The following DPYD variants were observed in gnomAD, a reference collection of about 807,000 sequenced individuals.
The protein encoded by DPYD is dihydropyrimidine dehydrogenase.
DPYD carries 109 observed loss-of-function variants against 116.2 expected under a neutral mutation model. The ratio of observed to expected loss-of-function variants is 0.94; its 90% CI spans 0.80 to 1.10. DPYD has a LOEUF of 1.10. Ranked by LOEUF, DPYD falls within the 50% of genes least tolerant of loss-of-function variation. The pLI is 0.00. For synonymous variants in DPYD, 440 were observed against 432.0 expected (o/e 1.02, Z -0.23); for missense variants, 1,302 against 1,254.5 (o/e 1.04, Z -0.57).
At chr1:97,250,894 T>C (rs1557972694) in intron 18 of DPYD, among the ~76,000 whole-genome samples, 1 of 152,210 alleles carries the variant, frequency 6.6e-6, no homozygotes, top group Non-Finnish European at 1.5e-5. Context: ...TATCTGAACA[T>C]ATATCATATC....
chr1:97,452,759 C>T (rs1315112022), intron 13 of DPYD, among the ~76,000 whole-genome samples: 3 of 152,052 alleles, frequency 2.0e-5, no homozygotes, highest in Non-Finnish European at 4.4e-5. Flanking sequence ...CCTGATTTGT[C>T]ATATGATGTG....
chr1:97,759,170 A>C, intron 3 of DPYD, among the ~76,000 whole-genome samples: 1 of 152,134 alleles, frequency 6.6e-6, no homozygotes, highest in East Asian at 1.9e-4. Context: ...CAGTCTGTAT[A>C]CCAGCGTTAC....
At chr1:97,485,657 T>C (rs1678591914) in intron 13 of DPYD, among the ~76,000 whole-genome samples, 1 of 152,224 alleles carries the variant, frequency 6.6e-6, no homozygotes, top group Non-Finnish European at 1.5e-5. Context: ...CTAGATTTAT[T>C]TGGTTCATTT....
rs193216897 is a variant in DPYD, at chr1:97,732,231, C to T, written c.321+8161G>A. On this transcript the variant is annotated intron_variant, in intron 4 of 22. Coordinates refer to ENST00000370192, the MANE Select transcript of DPYD (RefSeq NM_000110.4). ...TGAGCCGGGAGCTGTAATCCCAGCA[C>T]TTTGGGAGGCCGAGGCAGGTGGATC... Among the ~76,000 whole-genome samples, 178 of 152,100 alleles carry T rather than the reference C, an allele frequency of 1.2e-3. No homozygotes were observed. The East Asian group carries it at 0.015, about 12-fold the overall frequency.
intron 5 of DPYD, among the ~76,000 whole-genome samples, chr1:97,712,207 G>A (rs930254313): frequency 6.6e-6 from 1 of 151,968 alleles, no homozygotes; most frequent in African/African-American, 2.4e-5. Flanking sequence ...GTGTATTGGA[G>A]TCTTAGAAGC....
chr1:97,290,240 C>T (rs1433910722), intron 18 of DPYD, among the ~76,000 whole-genome samples: 5 of 152,020 alleles, frequency 3.3e-5, no homozygotes, highest in South Asian at 2.1e-4. Flanking sequence ...GAATCAATAT[C>T]GTGAAAATGG....
At chr1:97,088,180 G>T (rs1056006258) in intron 21 of DPYD, among the ~76,000 whole-genome samples, 1 of 152,170 alleles carries the variant, frequency 6.6e-6, no homozygotes. Flanking sequence ...GGTTAGAGTT[G>T]CTGACTATAA....
At chr1:97,469,544 A>T (rs1337157018) in intron 13 of DPYD, among the ~76,000 whole-genome samples, 1 of 152,136 alleles carries the variant, frequency 6.6e-6, no homozygotes, top group African/African-American at 2.4e-5. Context: ...AACAATAGGT[A>T]TAAGCATCAC....
chr1:97,717,561 C>T (rs900382702), intron 5 of DPYD, among the ~76,000 whole-genome samples: 1 of 151,978 alleles, frequency 6.6e-6, no homozygotes, highest in South Asian at 2.1e-4. Context: ...GTACACTGTA[C>T]CCAATGGGTT....
rs111522933 is a variant in DPYD at position 97,489,820 on chromosome 1, C to T, written c.1740+25906G>A. On this transcript the variant is annotated intron_variant, in intron 13 of 22. Transcript: ENST00000370192. ...ATTTTAAATAAAACTGGCACAAAGT[C>T]CCATAGCTAATAAATTGCAGAGGTG... 3.5e-3 allele frequency among the ~76,000 whole-genome samples: 526 copies of T among 152,194 alleles called. 2 individuals carry two copies. Among genetic ancestry groups the T allele is most frequent in the Non-Finnish European group, 6.0e-3 (407 of 67,970 alleles).
intron 1 of DPYD, among the ~76,000 whole-genome samples, chr1:97,915,446 A>T (rs1674164363): frequency 6.6e-6 from 1 of 152,142 alleles, no homozygotes; most frequent in Non-Finnish European, 1.5e-5. Flanking sequence ...AATTAAAAGC[A>T]ATGGAAGCAG....
At chr1:97,576,155 C>T (rs1209358787) in intron 10 of DPYD, among the ~76,000 whole-genome samples, 1 of 152,050 alleles carries the variant, frequency 6.6e-6, no homozygotes, top group African/African-American at 2.4e-5. Flanking sequence ...TTCTGTATCG[C>T]TTTTGTCATA....
intron 20 of DPYD, among the ~76,000 whole-genome samples, chr1:97,127,376 G>T (rs1652929595): frequency 6.6e-6 from 1 of 152,118 alleles, no homozygotes; most frequent in African/African-American, 2.4e-5. Flanking sequence ...ATTTTTGTAG[G>T]CAAAGGAGAC....
At chr1:97,766,520 T>C (rs1665863890) in intron 3 of DPYD, among the ~76,000 whole-genome samples, 2 of 152,062 alleles carry the variant, frequency 1.3e-5, no homozygotes, top group Non-Finnish European at 2.9e-5. Flanking sequence ...CAAAAGATCA[T>C]GTAAAATGAG....
intron 20 of DPYD, among the ~76,000 whole-genome samples, chr1:97,174,653 A>T (rs968487600): frequency 1.3e-5 from 2 of 152,212 alleles, no homozygotes; most frequent in Non-Finnish European, 2.9e-5. Context: ...ATTTGGGCAT[A>T]AAAAATGTCT....
rs568329849 is a variant in DPYD at position 97,339,088 on chromosome 1, C to T, written c.2059-32791G>A. On this transcript the variant is annotated intron_variant, in intron 16 of 22. Transcript: ENST00000370192. ...AGGAGGTAAAAAAAAAAGAGAGTAG[C>T]TACTGCTGAGACCTGAATTAACTGT... Among the ~76,000 whole-genome samples, 127 of 151,860 alleles carry T rather than the reference C, an allele frequency of 8.4e-4. 1 individual carries two copies. The highest frequency in any genetic ancestry group is 3.0e-3 in the African/African-American group (125 of 41,434).
chr1:97,531,889 A>G (rs1435921114), intron 12 of DPYD, among the ~76,000 whole-genome samples: 1 of 151,990 alleles, frequency 6.6e-6, no homozygotes, highest in Non-Finnish European at 1.5e-5. Context: ...CTTATTGTAA[A>G]TGGATTTTTT....
chr1:97,436,251 G>A (rs557230167), intron 14 of DPYD, among the ~76,000 whole-genome samples: 1 of 152,058 alleles, frequency 6.6e-6, no homozygotes, highest in South Asian at 2.1e-4. Context: ...AGTTGAGATC[G>A]CAACACGAAT....
At position 97,442,628 on chromosome 1, in the gene DPYD, T is replaced by A. The variant is rs529904509; in HGVS notation, c.1905+7431A>T. 1.2e-4 allele frequency among the ~76,000 whole-genome samples: 18 copies of A among 151,768 alleles called. 1 individual carries two copies. In the South Asian group the frequency reaches 3.5e-3, roughly 30 times the overall value. ...AATGAATGATATTAAAGCAGGGGAGTATAATAAATAAAACATTAAACAAGG... is the reference window on the plus strand; with the variant it reads ...AATGAATGATATTAAAGCAGGGGAGAATAATAAATAAAACATTAAACAAGG... On this transcript the variant is annotated intron_variant, in intron 14 of 22. Transcript: ENST00000370192.
Sources: allele counts gnomAD v4.1 joint callset (sites outside exome capture counted in the v4.1 genomes callset), GRCh38; gene constraint gnomAD v4.1.1; transcripts MANE v1.5; gene names NCBI Gene and HGNC (gene_info 2026-07-23, HGNC 2026-07-21).